Variants in ANO2 observed in about 807,000 individuals in gnomAD.
ANO2 encodes anoctamin 2, also known as anoctamin-2.
Under a neutral mutation model 124.2 loss-of-function variants are expected in ANO2, and 101 were observed. The observed-to-expected ratio is 0.81, with a 90% CI of 0.69 to 0.96. ANO2 has a LOEUF of 0.96. Ranked by LOEUF, ANO2 falls within the 40% of genes least tolerant of loss-of-function variation. ANO2 has a pLI of 0.00. For synonymous variants in ANO2, 486 were observed against 482.5 expected, an observed-to-expected ratio of 1.01 and a Z score of -0.09; for missense variants, 1,293 against 1,274.5, an observed-to-expected ratio of 1.01 and a Z score of -0.22.
chr12:5,564,885 T>C (rs1941658171), intron 24 of ANO2, among the ~76,000 whole-genome samples: 1 of 152,078 alleles, frequency 6.6e-6, no homozygotes, highest in Non-Finnish European at 1.5e-5. Flanking sequence ...CTTCAGGGAA[T>C]ACAAAAGCCT....
At chr12:5,885,609 G>A (rs1323366735) in intron 3 of ANO2, among the ~76,000 whole-genome samples, 1 of 152,160 alleles carries the variant, frequency 6.6e-6, no homozygotes, top group Non-Finnish European at 1.5e-5. Flanking sequence ...TTCCCAGAGT[G>A]GCAGAGTCAA....
chr12:5,874,542 C>G (rs1591725370), intron 3 of ANO2, among the ~76,000 whole-genome samples: 1 of 152,192 alleles, frequency 6.6e-6, no homozygotes, highest in African/African-American at 2.4e-5. Flanking sequence ...TTGCTCCTTG[C>G]TTGACTCTGT....
intron 14 of ANO2, among the ~76,000 whole-genome samples, chr12:5,666,903 T>C (rs182473725): frequency 7.6e-4 from 116 of 152,296 alleles, no homozygotes; most frequent in Middle Eastern, 3.4e-3. Context: ...TGAGCCACAT[T>C]GTATCAGGTC....
Position 5,693,886 on chromosome 12 carries a change from C to T in ANO2, c.1545+38634G>A, listed in dbSNP as rs139368378. 1.4e-3 allele frequency among the ~76,000 whole-genome samples: 206 copies of T among 152,298 alleles called. 2 individuals carry two copies. The highest frequency in any genetic ancestry group is 3.4e-3 in the Admixed American group (52 of 15,310). ...TGCCATGTGCCAGAGAGACCATTCC[C>T]GGAGCAGCCCTACCAGCCTCTTCAC... On this transcript the variant is annotated intron_variant, in intron 14 of 24. Coordinates refer to ENST00000682330, the MANE Select transcript of ANO2 (RefSeq NM_001364791.2).
intron 3 of ANO2, among the ~76,000 whole-genome samples, chr12:5,882,061 G>A (rs1293100051): frequency 1.3e-5 from 2 of 152,144 alleles, no homozygotes; most frequent in African/African-American, 4.8e-5. Flanking sequence ...GATAAAGGCA[G>A]GGCTGAATGA....
In ANO2 at chr12:5,578,616, T is replaced by C. The variant is rs1016874240; in HGVS notation, c.2234-98A>G. 8 of 1,290,388 alleles carry C rather than the reference T, an allele frequency of 6.2e-6. No individual in the cohort carries two copies. In the African/African-American group the frequency reaches 1.0e-4, roughly 17 times the overall value. 79.9% of individuals were successfully genotyped at this position (1,290,388 alleles called of 1,614,324 possible). A position where few individuals can be genotyped will look rare whatever the true frequency, so the allele number is the denominator to read the frequency against. Reference sequence around the variant, plus strand: ...AGCCCCTTGTCCTTTCTGCCTTGGGTATCTTTCCCATATGGGGTAATTTTT... The same window carrying C: ...AGCCCCTTGTCCTTTCTGCCTTGGGCATCTTTCCCATATGGGGTAATTTTT... On this transcript the variant is annotated intron_variant, in intron 20 of 24. Transcript: ENST00000682330.
At chr12:5,870,690 G>T (rs1353511041) in intron 3 of ANO2, among the ~76,000 whole-genome samples, 2 of 152,120 alleles carry the variant, frequency 1.3e-5, no homozygotes, top group Non-Finnish European at 2.9e-5. Flanking sequence ...TTCCTTAAAG[G>T]TCCCTCCCTT....
chr12:5,753,804 T>G (rs1001578277), intron 10 of ANO2, among the ~76,000 whole-genome samples: 3 of 152,172 alleles, frequency 2.0e-5, no homozygotes, highest in African/African-American at 4.8e-5. Context: ...CTTTAGGGTT[T>G]TCTGCATATG....
At chr12:5,570,718 G>A (rs1042886611) in intron 23 of ANO2, among the ~76,000 whole-genome samples, 1 of 152,194 alleles carries the variant, frequency 6.6e-6, no homozygotes, top group Admixed American at 6.5e-5. Context: ...GAATCAGCTA[G>A]TAAATGCATT....
chr12:5,843,537 G>A (rs958201676), intron 4 of ANO2, among the ~76,000 whole-genome samples: 5 of 151,434 alleles, frequency 3.3e-5, no homozygotes, highest in South Asian at 2.1e-4. Flanking sequence ...GTGACAGAGC[G>A]AGATTCCATC....
chr12:5,883,911 CCTTTT>C (rs1938698845), intron 3 of ANO2, among the ~76,000 whole-genome samples: 3 of 152,130 alleles, frequency 2.0e-5, no homozygotes, highest in African/African-American at 7.2e-5. Flanking sequence ...TTTCTCTAAG[CCTTTT>C]CTGTGCATTA....
upstream of ANO2, among the ~76,000 whole-genome samples, chr12:5,945,751 G>T (rs1943075684): frequency 6.6e-6 from 1 of 152,238 alleles, no homozygotes; most frequent in Admixed American, 6.5e-5. Context: ...ACTAGGTGGA[G>T]ACCAGCTGTC....
intron 14 of ANO2, among the ~76,000 whole-genome samples, chr12:5,698,227 G>A (rs1008724502): frequency 6.6e-5 from 10 of 152,180 alleles, no homozygotes; most frequent in African/African-American, 2.4e-4. Flanking sequence ...TCACATGGCT[G>A]GGTCCCCCTC....
At chr12:5,890,379 G>A (rs2136271622) in intron 3 of ANO2, among the ~76,000 whole-genome samples, 1 of 152,338 alleles carries the variant, frequency 6.6e-6, no homozygotes, top group Middle Eastern at 3.4e-3. Context: ...TCACAGCTCA[G>A]AGCAGAGGTT....
At chr12:5,918,390 A>T (rs914449231) in intron 3 of ANO2, among the ~76,000 whole-genome samples, 1 of 151,974 alleles carries the variant, frequency 6.6e-6, no homozygotes, top group Non-Finnish European at 1.5e-5. Context: ...GAAAGGATGA[A>T]TGACCTCTGG....
intron 3 of ANO2, among the ~76,000 whole-genome samples, chr12:5,867,549 T>C (rs1444259024): frequency 2.6e-5 from 4 of 152,140 alleles, no homozygotes; most frequent in Admixed American, 2.0e-4. Flanking sequence ...AGTTGAAAAT[T>C]ACTGTGCTGC....
chr12:5,923,501 G>A (rs749019516), intron 1 of ANO2, among the ~76,000 whole-genome samples: 2 of 152,096 alleles, frequency 1.3e-5, no homozygotes, highest in Admixed American at 6.5e-5. Context: ...CACCTCCCTC[G>A]GGGAGAGAGC....
chr12:5,642,019 C>T (rs57749467), intron 15 of ANO2, among the ~76,000 whole-genome samples: 3,429 of 152,190 alleles, frequency 0.023, 131 homozygotes, highest in African/African-American at 0.079. Flanking sequence ...TTGATGATGA[C>T]ACAGATTTTT....
At chr12:5,753,399 G>C (rs1203850903) in intron 10 of ANO2, among the ~76,000 whole-genome samples, 1 of 152,174 alleles carries the variant, frequency 6.6e-6, no homozygotes, top group African/African-American at 2.4e-5. Flanking sequence ...TGCCTGTGGA[G>C]ATATTTAGCC....
Sources: allele counts gnomAD v4.1 joint callset (sites outside exome capture counted in the v4.1 genomes callset), GRCh38; gene constraint gnomAD v4.1.1; transcripts MANE v1.5; gene names NCBI Gene and HGNC (gene_info 2026-07-23, HGNC 2026-07-21).